The following BLTP3A variants were observed in gnomAD, a reference collection of about 807,000 sequenced individuals.
The protein encoded by BLTP3A is bridge-like lipid transfer protein family member 3A, also known as ICBP90 binding protein 1.
chr6:34,872,167 A>G, the BLTP3A span: 1 of 1,042,684 alleles, frequency 9.6e-7, no homozygotes, highest in South Asian at 1.7e-5. Context: ...GAGGGAATCA[A>G]GGTCTTAGAA....
the BLTP3A span, among the ~76,000 whole-genome samples, chr6:34,812,161 T>A: frequency 5.3e-5 from 8 of 152,050 alleles, no homozygotes; most frequent in South Asian, 1.7e-3. Flanking sequence ...AAACCCCATG[T>A]CTACTAAAAA....
the BLTP3A span, among the ~76,000 whole-genome samples, chr6:34,826,343 T>A: frequency 6.6e-6 from 1 of 151,570 alleles, no homozygotes; most frequent in East Asian, 1.9e-4. Context: ...ACATGTTACA[T>A]GTTTTACATC....
chr6:34,827,722 C>T, the BLTP3A span, among the ~76,000 whole-genome samples: 3 of 152,138 alleles, frequency 2.0e-5, no homozygotes, highest in African/African-American at 4.8e-5. Flanking sequence ...ACCTCTGCCT[C>T]CCGGGTTCAA....
At chr6:34,827,335 A>G in the BLTP3A span, among the ~76,000 whole-genome samples, 30 of 152,062 alleles carry the variant, frequency 2.0e-4, no homozygotes, top group Admixed American at 1.8e-3. Context: ...AAACAAAACA[A>G]AGAAAGAGAA....
the BLTP3A span, among the ~76,000 whole-genome samples, chr6:34,795,472 A>G: frequency 6.0e-5 from 9 of 149,668 alleles, no homozygotes; most frequent in Non-Finnish European, 1.0e-4. Context: ...ATCTCGGCTC[A>G]CTGCAACCTC....
At chr6:34,802,916 C>T in the BLTP3A span, among the ~76,000 whole-genome samples, 1 of 152,058 alleles carries the variant, frequency 6.6e-6, no homozygotes, top group Admixed American at 6.6e-5. Flanking sequence ...TGGCTTACAC[C>T]TATAATCCTA....
the BLTP3A span, among the ~76,000 whole-genome samples, chr6:34,864,833 C>G: frequency 6.6e-6 from 1 of 151,790 alleles, no homozygotes; most frequent in South Asian, 2.1e-4. Flanking sequence ...CTGGGCTTAG[C>G]GGCAGGTGCT....
the BLTP3A span, among the ~76,000 whole-genome samples, chr6:34,795,058 A>G: frequency 2.6e-5 from 4 of 151,284 alleles, no homozygotes; most frequent in African/African-American, 9.7e-5. Context: ...AAGTGCTGGG[A>G]TTACAGGCGT....
the BLTP3A span, chr6:34,856,152 T>C: frequency 6.8e-7 from 1 of 1,475,126 alleles, no homozygotes; most frequent in Non-Finnish European, 9.2e-7. Context: ...AATCAGATTC[T>C]GAACTATGAC....
At chr6:34,792,809 C>T in the BLTP3A span, among the ~76,000 whole-genome samples, 3 of 152,182 alleles carry the variant, frequency 2.0e-5, no homozygotes, top group Non-Finnish European at 4.4e-5. Flanking sequence ...ACCCTGCTAC[C>T]AGTCCTGCTA....
chr6:34,832,196 T>C, the BLTP3A span, among the ~76,000 whole-genome samples: 1 of 151,528 alleles, frequency 6.6e-6, no homozygotes, highest in Non-Finnish European at 1.5e-5. Flanking sequence ...CACAGCTCAT[T>C]GCAGCCTAGA....
At chr6:34,856,712 G>T in the BLTP3A span, 1 of 1,540,626 alleles carries the variant, frequency 6.5e-7, no homozygotes. Flanking sequence ...AATGATCTTA[G>T]GATTTTTACT....
chr6:34,823,539 G>A, the BLTP3A span, among the ~76,000 whole-genome samples: 2 of 134,122 alleles, frequency 1.5e-5, no homozygotes, highest in Non-Finnish European at 3.2e-5. Flanking sequence ...TTCTTCTTCT[G>A]TTTTTTTTTT....
the BLTP3A span, among the ~76,000 whole-genome samples, chr6:34,825,261 A>G: frequency 2.0e-5 from 3 of 150,746 alleles, no homozygotes; most frequent in South Asian, 2.1e-4. Flanking sequence ...TGGTAAGAAT[A>G]CTTCCAAGGG....
At chr6:34,814,520 A>G in the BLTP3A span, among the ~76,000 whole-genome samples, 8 of 152,362 alleles carry the variant, frequency 5.3e-5, no homozygotes, top group South Asian at 1.7e-3. Context: ...ATGGTGGTCC[A>G]GCAGACGTGC....
the BLTP3A span, among the ~76,000 whole-genome samples, chr6:34,847,379 G>C: frequency 6.6e-6 from 1 of 152,048 alleles, no homozygotes; most frequent in Non-Finnish European, 1.5e-5. Flanking sequence ...GAATAGGATA[G>C]GTATTAGTTC....
the BLTP3A span, among the ~76,000 whole-genome samples, chr6:34,803,743 G>GGAGC: frequency 2.0e-5 from 3 of 152,014 alleles, no homozygotes; most frequent in African/African-American, 7.2e-5. Context: ...ATGGGTGTGG[G>GGAGC]GAGCGTGGTA....
At chr6:34,846,543 C>T in the BLTP3A span, among the ~76,000 whole-genome samples, 1 of 152,092 alleles carries the variant, frequency 6.6e-6, no homozygotes, top group Non-Finnish European at 1.5e-5. Flanking sequence ...TGGGGTTACT[C>T]TCTTGATTTC....
chr6:34,856,146 A>G, the BLTP3A span: 5 of 1,437,436 alleles, frequency 3.5e-6, no homozygotes, highest in Admixed American at 1.1e-4. Context: ...GTGAGGAATC[A>G]GATTCTGAAC....
Sources: gnomAD v4.1 joint callset for allele counts (sites outside exome capture counted in the v4.1 genomes callset) on GRCh38, gnomAD v4.1.1 for gene constraint, MANE v1.5 for transcripts, NCBI Gene and HGNC (gene_info 2026-07-23, HGNC 2026-07-21) for gene names.